LEKR1: variants seen among roughly 807,000 people sequenced by gnomAD.
LEKR1 encodes protein LEKR1.
Under a neutral mutation model 72.4 loss-of-function variants are expected in LEKR1, and 59 were observed. The ratio of observed to expected loss-of-function variants is 0.82; its 90% CI spans 0.66 to 1.01. The LOEUF is 1.01. Ranked by LOEUF, LEKR1 falls within the 50% of genes least tolerant of loss-of-function variation. The pLI, the probability that LEKR1 is intolerant of heterozygous loss-of-function variation, is 0.00. For missense variants in LEKR1, 728 were observed against 759.2 expected (o/e 0.96, Z 0.48); for synonymous variants, 257 against 263.2 (o/e 0.98, Z 0.23).
At chr3:156,980,065 A>G (rs907089343) in intron 7 of LEKR1, 1 of 152,182 alleles carries the variant, frequency 6.6e-6, no homozygotes, top group Non-Finnish European at 1.5e-5. Context: ...TTCAAAAATT[A>G]TAGCATAAAC....
chr3:157,027,728 C>T (rs928354786), intron 11 of LEKR1, among the ~76,000 whole-genome samples: 1 of 152,014 alleles, frequency 6.6e-6, no homozygotes, highest in Non-Finnish European at 1.5e-5. Flanking sequence ...TTGGTAGGAT[C>T]GTTTGAGCGC....
In LEKR1 at chr3:156,948,485, G is replaced by C. The variant is rs183485677; in HGVS notation, c.745+5771G>C. Among the ~76,000 whole-genome samples, 1,154 of 150,536 alleles carry C rather than the reference G, an allele frequency of 7.7e-3. 17 individuals carry two copies. The highest frequency in any genetic ancestry group is 0.027 in the African/African-American group (1,102 of 41,186). Reference sequence around the variant, plus strand: ...TTTATATCTGTTATTTTATTTTCTTGTCTCCTTCATATCTTATTAAATTCA... The same window carrying C: ...TTTATATCTGTTATTTTATTTTCTTCTCTCCTTCATATCTTATTAAATTCA... On this transcript the variant is annotated intron_variant, in intron 6 of 12. Transcript: ENST00000356539.
intron 11 of LEKR1, among the ~76,000 whole-genome samples, chr3:157,026,386 A>AT (rs1734193845): frequency 6.6e-6 from 1 of 152,128 alleles, no homozygotes; most frequent in African/African-American, 2.4e-5. Context: ...TTAAATCAAG[A>AT]TTTTGTAAGT....
In LEKR1 at chr3:156,870,590, T is replaced by C. The variant is rs192732871; in HGVS notation, c.263+17608T>C. 5.3e-5 allele frequency among the ~76,000 whole-genome samples: 8 copies of C among 152,004 alleles called. No homozygotes were observed. In the East Asian group the frequency reaches 1.2e-3, roughly 22 times the overall value. On this transcript the variant is annotated intron_variant, in intron 3 of 12. Transcript: ENST00000356539. ...AGATCTAAGAGTTTTTTTCATAGAG[T>C]CTTTAGGTTTTTCTAGATATTTATA...
At chr3:156,852,706 T>G (rs992802141) in intron 2 of LEKR1, 62 bp from the exon 3 acceptor site, 4 of 777,920 alleles carry the variant, frequency 5.1e-6, no homozygotes, top group East Asian at 2.7e-5. Context: ...CTACAATATC[T>G]TCAGTTGAAC....
At chr3:157,036,318 T>C (rs1734965102) in intron 12 of LEKR1, among the ~76,000 whole-genome samples, 1 of 151,920 alleles carries the variant, frequency 6.6e-6, no homozygotes, top group Admixed American at 6.6e-5. Flanking sequence ...AAAATCAATA[T>C]TTGGGTTAGA....
At chr3:156,828,725 A>G (rs1711979036) in intron 1 of LEKR1, among the ~76,000 whole-genome samples, 1 of 152,242 alleles carries the variant, frequency 6.6e-6, no homozygotes, top group African/African-American at 2.4e-5. Flanking sequence ...ATAAAATTAT[A>G]TAAATGTCCA....
At chr3:156,899,409 CAT>C (rs1721613839) in intron 3 of LEKR1, among the ~76,000 whole-genome samples, 1 of 59,432 alleles carries the variant, frequency 1.7e-5, no homozygotes, top group Non-Finnish European at 3.0e-5. Flanking sequence ...TACATATATA[CAT>C]ATATACACAT....
At chr3:156,903,103 C>A (rs181734022) in intron 3 of LEKR1, among the ~76,000 whole-genome samples, 57 of 152,040 alleles carry the variant, frequency 3.7e-4, no homozygotes, top group African/African-American at 1.4e-3. Context: ...AGATCTATTT[C>A]TTTAGGCTAG....
intron 3 of LEKR1, among the ~76,000 whole-genome samples, chr3:156,915,414 C>A (rs1392567171): frequency 6.8e-6 from 1 of 146,248 alleles, no homozygotes; most frequent in East Asian, 1.9e-4. Context: ...TTGCCAGCAT[C>A]TGTTATTTTT....
At chr3:156,986,432 T>C (rs1201783962) in intron 7 of LEKR1, among the ~76,000 whole-genome samples, 1 of 152,130 alleles carries the variant, frequency 6.6e-6, no homozygotes, top group African/African-American at 2.4e-5. Flanking sequence ...GAGAAGTAAT[T>C]ATGGTTTAGC....
chr3:156,963,130 T>C (rs1728268849), intron 6 of LEKR1, among the ~76,000 whole-genome samples: 1 of 152,170 alleles, frequency 6.6e-6, no homozygotes, highest in South Asian at 2.1e-4. Context: ...CAGATACCAG[T>C]TTCCAATTTA....
intron 3 of LEKR1, among the ~76,000 whole-genome samples, chr3:156,912,388 A>G (rs1316802723): frequency 2.6e-5 from 4 of 152,158 alleles, no homozygotes; most frequent in African/African-American, 9.7e-5. Flanking sequence ...TAGAGTTCGC[A>G]TAAGGAGTGG....
At position 156,992,550 on chromosome 3, in the gene LEKR1, A is replaced by T. The variant is rs114416257; in HGVS notation, c.828-103A>T. 5.5e-3 allele frequency: 1,171 copies of T among 212,614 alleles called. 2 individuals carry two copies. The highest frequency in any genetic ancestry group is 8.8e-3 in the Admixed American group (148 of 16,774). 13.2% of individuals were successfully genotyped at this position (212,614 alleles called of 1,614,324 possible). A position where few individuals can be genotyped will look rare whatever the true frequency, so the allele number is the denominator to read the frequency against. ...TTTCTTTAAACAAATAATAATATGA[A>T]GATGTTAAGAAATTTCTTCTATTGA... On this transcript the variant is annotated intron_variant, in intron 7 of 12. Coordinates refer to ENST00000356539, the MANE Select transcript of LEKR1 (RefSeq NM_001004316.3).
intron 3 of LEKR1, among the ~76,000 whole-genome samples, chr3:156,910,062 C>T (rs944184738): frequency 6.6e-6 from 1 of 152,012 alleles, no homozygotes; most frequent in Admixed American, 6.6e-5. Flanking sequence ...AAGAGAAGTC[C>T]TTGCCAAGGT....
chr3:156,874,010 T>A (rs905535084), intron 3 of LEKR1, among the ~76,000 whole-genome samples: 61 of 152,228 alleles, frequency 4.0e-4, no homozygotes, highest in Middle Eastern at 3.4e-3. Context: ...TTGGAGATCT[T>A]TGAGCCTCCT....
chr3:156,898,037 A>G (rs1177330723), intron 3 of LEKR1, among the ~76,000 whole-genome samples: 2 of 152,136 alleles, frequency 1.3e-5, no homozygotes, highest in Non-Finnish European at 2.9e-5. Context: ...TAGGTGACAA[A>G]TGTTTACTAT....
At chr3:156,884,949 A>G (rs1000678615) in intron 3 of LEKR1, among the ~76,000 whole-genome samples, 3 of 151,894 alleles carry the variant, frequency 2.0e-5, no homozygotes, top group Non-Finnish European at 4.4e-5. Flanking sequence ...CATAATCCCA[A>G]ATTTCTTGGA....
chr3:156,853,672 C>G (rs552407056), intron 3 of LEKR1, among the ~76,000 whole-genome samples: 16 of 152,006 alleles, frequency 1.1e-4, no homozygotes, highest in African/African-American at 3.9e-4. Context: ...GCTTAAGTCT[C>G]TTTGGATTAA....
Sources: allele counts gnomAD v4.1 joint callset (sites outside exome capture counted in the v4.1 genomes callset), GRCh38; gene constraint gnomAD v4.1.1; transcripts MANE v1.5; gene names NCBI Gene and HGNC (gene_info 2026-07-23, HGNC 2026-07-21).